The following ULK4 variants were observed in gnomAD, a reference collection of about 807,000 sequenced individuals.
ULK4 encodes inactive serine/threonine-protein kinase ULK4.
Under a neutral mutation model 160.6 loss-of-function variants are expected in ULK4, and 133 were observed. That is an observed-to-expected ratio of 0.83 (90% CI 0.72 to 0.96). ULK4 has a LOEUF of 0.96. Ranked by LOEUF, ULK4 falls within the 40% of genes least tolerant of loss-of-function variation. ULK4 has a pLI of 0.00. For synonymous variants in ULK4, 534 were observed against 539.8 expected (o/e 0.99, Z 0.15); for missense variants, 1,580 against 1,499.5 (o/e 1.05, Z -0.89).
chr3:41,685,834 C>G (rs1387148830), intron 27 of ULK4, among the ~76,000 whole-genome samples: 1 of 152,072 alleles, frequency 6.6e-6, no homozygotes, highest in Non-Finnish European at 1.5e-5. Flanking sequence ...TCCAGTGAAG[C>G]CTTGTATGGG....
At chr3:41,352,286 G>T (rs2080926693) in intron 35 of ULK4, among the ~76,000 whole-genome samples, 1 of 152,190 alleles carries the variant, frequency 6.6e-6, no homozygotes, top group African/African-American at 2.4e-5. Context: ...AGCTACAGAG[G>T]AATGGTAAGG....
At chr3:41,698,652 CCT>C (rs1259405021) in intron 27 of ULK4, among the ~76,000 whole-genome samples, 1 of 152,128 alleles carries the variant, frequency 6.6e-6, no homozygotes, top group Non-Finnish European at 1.5e-5. Flanking sequence ...AAGTTCTAAA[CCT>C]TTTTTCATAT....
In ULK4 at chr3:41,567,799, A is replaced by G. The variant is rs542990405; in HGVS notation, c.3121-1669T>C. Among the ~76,000 whole-genome samples, 4 of 152,180 alleles carry G rather than the reference A, an allele frequency of 2.6e-5. No homozygotes were observed. In the East Asian group the frequency reaches 7.7e-4, roughly 29 times the overall value. ...TTTTATTTTACTTTTTAAATGCTGA[A>G]GCCTCTTGGTATCTCTTAATTGATT... On this transcript the variant is annotated intron_variant, in intron 31 of 36. Coordinates refer to ENST00000301831, the MANE Select transcript of ULK4 (RefSeq NM_017886.4).
intron 17 of ULK4, among the ~76,000 whole-genome samples, chr3:41,880,752 T>A (rs540144879): frequency 2.0e-4 from 30 of 152,174 alleles, no homozygotes; most frequent in Admixed American, 1.0e-3. Context: ...GATGAAACCG[T>A]GTCTCTACTA....
At chr3:41,468,687 A>G (rs2083895765) in intron 32 of ULK4, among the ~76,000 whole-genome samples, 1 of 152,142 alleles carries the variant, frequency 6.6e-6, no homozygotes, top group Non-Finnish European at 1.5e-5. Context: ...TGACTATACT[A>G]CCTTTCCACC....
intron 27 of ULK4, among the ~76,000 whole-genome samples, chr3:41,682,812 G>GA (rs2035966615): frequency 6.6e-6 from 1 of 152,086 alleles, no homozygotes; most frequent in Admixed American, 6.5e-5. Flanking sequence ...TATGTCTAAA[G>GA]AAAAAACTAT....
chr3:41,266,644 A>T (rs2079039268), intron 35 of ULK4, among the ~76,000 whole-genome samples: 1 of 152,228 alleles, frequency 6.6e-6, no homozygotes, highest in South Asian at 2.1e-4. Context: ...TTATCCAAAA[A>T]GGCTGTTTTC....
chr3:41,767,042 C>G (rs2039188675), intron 21 of ULK4: 2 of 152,054 alleles, frequency 1.3e-5, no homozygotes, highest in South Asian at 4.2e-4. Context: ...TATGTTGTTT[C>G]AATGGTTTAA....
At chr3:41,584,110 CCT>C (rs564709458) in intron 31 of ULK4, among the ~76,000 whole-genome samples, 80 of 152,152 alleles carry the variant, frequency 5.3e-4, no homozygotes, top group African/African-American at 1.9e-3. Context: ...ATGAGAAAAA[CCT>C]CTGATTTATA....
chr3:41,757,914 A>C (rs1398232818), intron 21 of ULK4, among the ~76,000 whole-genome samples: 1 of 152,080 alleles, frequency 6.6e-6, no homozygotes, highest in Non-Finnish European at 1.5e-5. Context: ...GGCGTGAGCC[A>C]CCATGCCTGG....
At chr3:41,433,480 G>T (rs1402997466) in intron 34 of ULK4, among the ~76,000 whole-genome samples, 1 of 152,134 alleles carries the variant, frequency 6.6e-6, no homozygotes. Flanking sequence ...CTAGAAATTT[G>T]TCCTATAATT....
In ULK4 at chr3:41,921,143, C is replaced by T. The variant is rs150817094; in HGVS notation, c.542-1325G>A. On this transcript the variant is annotated intron_variant, in intron 5 of 36. Transcript: ENST00000301831. ...CCTGGCCAACCTGGTGAAACCCCAT[C>T]TCTACCAAAAATACAAAAATTAGCT... is the stretch of plus-strand genomic sequence containing the variant. Among the ~76,000 whole-genome samples, 535 of 152,212 alleles carry T rather than the reference C, an allele frequency of 3.5e-3. 4 individuals are homozygous for T. The highest frequency in any genetic ancestry group is 5.9e-3 in the Non-Finnish European group (401 of 68,002).
At chr3:41,261,924 G>C (rs572619431) in intron 35 of ULK4, among the ~76,000 whole-genome samples, 1 of 152,176 alleles carries the variant, frequency 6.6e-6, no homozygotes. Flanking sequence ...CAGTTTGCTG[G>C]GTAGCCACTG....
intron 2 of ULK4, among the ~76,000 whole-genome samples, chr3:41,949,908 CT>C (rs1700232930): frequency 6.7e-6 from 1 of 149,854 alleles, no homozygotes; most frequent in South Asian, 2.1e-4. Context: ...GCTAATTTTT[CT>C]ATTTTTTCTA....
At chr3:41,625,506 G>A (rs1559441387) in intron 30 of ULK4, among the ~76,000 whole-genome samples, 1 of 152,190 alleles carries the variant, frequency 6.6e-6, no homozygotes, top group Non-Finnish European at 1.5e-5. Context: ...ATTTGATGCA[G>A]TACTTTGGAG....
At chr3:41,873,108 C>T (rs1419605018) in intron 17 of ULK4, among the ~76,000 whole-genome samples, 5 of 152,046 alleles carry the variant, frequency 3.3e-5, no homozygotes, top group African/African-American at 7.2e-5. Context: ...GCCAAGATCA[C>T]GCCACTGCAC....
chr3:41,574,511 A>G (rs1157980010), intron 31 of ULK4, among the ~76,000 whole-genome samples: 3 of 133,058 alleles, frequency 2.3e-5, no homozygotes, highest in African/African-American at 8.3e-5. Context: ...CTTCACCTCC[A>G]CTACTGCTAC....
At chr3:41,508,599 G>A (rs1575329102) in intron 32 of ULK4, among the ~76,000 whole-genome samples, 2 of 152,146 alleles carry the variant, frequency 1.3e-5, no homozygotes, top group Admixed American at 6.5e-5. Flanking sequence ...ACCAGAGGAG[G>A]TGCTGGTATT....
At chr3:41,929,356 C>T (rs1699499176) in intron 5 of ULK4, among the ~76,000 whole-genome samples, 3 of 152,142 alleles carry the variant, frequency 2.0e-5, no homozygotes, top group Admixed American at 2.0e-4. Context: ...ATAATAAGAG[C>T]TATTTATGAC....
Sources: gnomAD v4.1 joint callset for allele counts (sites outside exome capture counted in the v4.1 genomes callset) on GRCh38, gnomAD v4.1.1 for gene constraint, MANE v1.5 for transcripts, NCBI Gene and HGNC (gene_info 2026-07-23, HGNC 2026-07-21) for gene names.